UACA: variants seen among roughly 807,000 people sequenced by gnomAD.
The protein encoded by UACA is nuclear membrane binding protein.
Under a neutral mutation model 160.5 loss-of-function variants are expected in UACA, and 112 were observed. The ratio of observed to expected loss-of-function variants is 0.70; its 90% CI spans 0.60 to 0.82. The LOEUF is 0.82. Ranked by LOEUF, UACA falls within the 40% of genes least tolerant of loss-of-function variation. The pLI is 0.00. For synonymous variants in UACA, 557 were observed against 568.4 expected (o/e 0.98, Z 0.29); for missense variants, 1,574 against 1,614.6 (o/e 0.97, Z 0.43).
chr15:70,726,839 G>A (rs532737762), intron 1 of UACA, among the ~76,000 whole-genome samples: 2 of 152,240 alleles, frequency 1.3e-5, no homozygotes, highest in East Asian at 3.9e-4. Context: ...AAATCTCACA[G>A]GAAATAATGG....
chr15:70,668,421 T>C lies in UACA; in HGVS notation c.2263A>G (p.Lys755Glu). Residue 755 changes from lysine (K) to glutamate (E), a missense_variant, in exon 16 of 19, where the codon AAG becomes GAG. Coordinates refer to ENST00000322954, the MANE Select transcript of UACA (RefSeq NM_018003.4). ...VPLKVSEDMK[K>E]SHDAIIDDLN... Reference sequence around the variant, plus strand: ...TCATCAATAATTGCATCATGTGACTTTTTCATGTCTTCACTTACTTTTAAA... The same window carrying C: ...TCATCAATAATTGCATCATGTGACTCTTTCATGTCTTCACTTACTTTTAAA... The C allele has an allele frequency of 6.2e-7, 1 of 1,611,912 alleles. No homozygotes were observed. Among genetic ancestry groups the C allele is most frequent in the Non-Finnish European group, 8.5e-7 (1 of 1,179,718 alleles).
At chr15:70,740,134 ATGT>A (rs1313373174) in intron 1 of UACA, among the ~76,000 whole-genome samples, 1 of 150,852 alleles carries the variant, frequency 6.6e-6, no homozygotes, top group East Asian at 1.9e-4. Flanking sequence ...CACAATACTT[ATGT>A]TGTTATGAAA....
chr15:70,670,943 A>G (rs1330420205), intron 15 of UACA, 96 bp downstream of exon 15: 2 of 645,842 alleles, frequency 3.1e-6, no homozygotes, highest in Non-Finnish European at 5.0e-6. Context: ...CTATGTATAT[A>G]TACTTAATGT....
At chr15:70,706,000 T>C (rs1283978826) in intron 1 of UACA, among the ~76,000 whole-genome samples, 1 of 152,176 alleles carries the variant, frequency 6.6e-6, no homozygotes, top group Admixed American at 6.5e-5. Context: ...ATAAGATGCC[T>C]GGTATTTGCT....
At chr15:70,712,838 T>C (rs1178658203) in intron 1 of UACA, among the ~76,000 whole-genome samples, 1 of 152,242 alleles carries the variant, frequency 6.6e-6, no homozygotes, top group Non-Finnish European at 1.5e-5. Flanking sequence ...ATCTTCAATG[T>C]AAAAGTATCT....
rs757191526 is a variant in UACA, at chr15:70,666,763, T to C, written c.3921A>G (p.Ile1307Met). The stretch of plus-strand genomic sequence containing the variant: ...CTTCTATTTGTTTAGCAGATTCTTG[T>C]ATTCTTCTTTGTAACTCTGTGATTG... ...LTTITELQRR[I>M]QESAKQIEAK... Residue 1307 changes from isoleucine to methionine, a missense_variant, in exon 16 of 19, where the codon ATA (isoleucine) becomes ATG (methionine). Transcript: ENST00000322954. 4.3e-6 allele frequency: 7 copies of C among 1,609,420 alleles called. No individual in the cohort carries two copies. Among genetic ancestry groups the C allele is most frequent in the East Asian group, 2.2e-5 (1 of 44,870 alleles).
chr15:70,695,091 G>A lies in UACA; in HGVS notation c.227C>T (p.Thr76Ile). The part of the protein sequence containing the change: ...VEGRSVFHVV[T>I]SKGNLECLNA... ...CAAACACTCAAGATTCCCCTTTGAG[G>A]TCACAACATGGAAGCTAAACAAAAA... Residue 76 changes from threonine (T) to isoleucine (I), a missense_variant, in exon 3 of 19, where the codon ACC becomes ATC. Physicochemically the swap from Thr to Ile is moderately conservative, Grantham distance 89 (BLOSUM62 -1). Transcript: ENST00000322954. 1 of 1,605,812 alleles carries A rather than the reference G, an allele frequency of 6.2e-7. No individual in the cohort carries two copies. Among genetic ancestry groups the A allele is most frequent in the Non-Finnish European group, 8.5e-7 (1 of 1,176,002 alleles).
chr15:70,664,118 AAGTGGC>A (rs1896820082), intron 17 of UACA, among the ~76,000 whole-genome samples: 1 of 152,214 alleles, frequency 6.6e-6, no homozygotes, highest in Non-Finnish European at 1.5e-5. Flanking sequence ...ACTTCCTTGT[AAGTGGC>A]AGGACTTAGA....
At chr15:70,701,827 G>C in intron 1 of UACA, 1 of 1,535,100 alleles carries the variant, frequency 6.5e-7, no homozygotes, top group Non-Finnish European at 8.9e-7. Flanking sequence ...ACACAGTTCA[G>C]AAAGTCTAAC....
At chr15:70,767,266 AAAACAAAAAC>A (rs1567007259), upstream of UACA, among the ~76,000 whole-genome samples, 28 of 141,570 alleles carry the variant, frequency 2.0e-4, 1 homozygote, top group African/African-American at 4.6e-4. Flanking sequence ...ACAAAAAACA[AAAACAAAAAC>A]AACAACAATA....
chr15:70,689,142 G>C (rs778675934), intron 5 of UACA, among the ~76,000 whole-genome samples: 1 of 152,098 alleles, frequency 6.6e-6, no homozygotes, highest in Non-Finnish European at 1.5e-5. Context: ...CTAGAATACG[G>C]CTACGACCAC....
chr15:70,664,862 C>A lies in UACA; in HGVS notation c.3961-48G>T, dbSNP rs771726985. ...AAATATATTATTCACTTATCATGTA[C>A]AATGAACATCTTTGTACAGAAATCA... On this transcript the variant is annotated intron_variant, in intron 16 of 18. Transcript: ENST00000322954. 1.3e-5 allele frequency: 19 copies of A among 1,514,932 alleles called. 1 individual carries two copies. The South Asian group carries it at 2.2e-4, about 18-fold the overall frequency. 93.8% of individuals were successfully genotyped at this position (1,514,932 alleles called of 1,614,324 possible). A position where few individuals can be genotyped will look rare whatever the true frequency, so the allele number is the denominator to read the frequency against.
chr15:70,763,459 G>A lies in UACA; in HGVS notation c.-52C>T. 5 of 1,277,254 alleles carry A rather than the reference G, an allele frequency of 3.9e-6. No individual in the cohort carries two copies. The highest frequency in any genetic ancestry group is 2.3e-4 in the Middle Eastern group (1 of 4,378). The allele number at this position is 1,277,254 out of a possible 1,614,324, so 79.1% of individuals were successfully genotyped here. ...GAACCTTAAAGGCTGCGGAGTGCCA[G>A]CGCGCAAGGAGTAGACGGCAGCGGC... On this transcript the variant is annotated 5_prime_UTR_variant, in exon 1 of 19. Coordinates refer to ENST00000322954, the MANE Select transcript of UACA (RefSeq NM_018003.4).
chr15:70,693,049 T>C (rs989248055), intron 3 of UACA, among the ~76,000 whole-genome samples: 1 of 152,226 alleles, frequency 6.6e-6, no homozygotes, highest in Admixed American at 6.5e-5. Context: ...AATTTGCTCC[T>C]GTTCATGGAC....
In UACA at chr15:70,741,773, A is replaced by G. The variant is rs111626987; in HGVS notation, c.78+21557T>C. ...GACTACAGAATAGGGTTTCATCCTC[A>G]CAATGCAAAAGTATTCCTTCACTAC... On this transcript the variant is annotated intron_variant, in intron 1 of 18. Transcript: ENST00000322954. 1.2e-3 allele frequency among the ~76,000 whole-genome samples: 178 copies of G among 152,316 alleles called. 1 individual carries two copies. The highest frequency in any genetic ancestry group is 4.1e-3 in the African/African-American group (170 of 41,568).
At chr15:70,707,541 T>G (rs185755793) in intron 1 of UACA, among the ~76,000 whole-genome samples, 1 of 152,152 alleles carries the variant, frequency 6.6e-6, no homozygotes, top group African/African-American at 2.4e-5. Context: ...GGCTAATACA[T>G]AAATTACATT....
intron 16 of UACA, 29 bp from the exon 17 acceptor site, chr15:70,664,843 A>G: frequency 1.9e-6 from 3 of 1,586,380 alleles, no homozygotes; most frequent in Non-Finnish European, 2.6e-6. Context: ...GGAGAAATAT[A>G]TTATTCACTT....
chr15:70,710,514 C>T (rs187332319), intron 1 of UACA, among the ~76,000 whole-genome samples: 15 of 152,238 alleles, frequency 9.9e-5, no homozygotes, highest in Admixed American at 4.6e-4. Context: ...AGTGTCAGAT[C>T]GCACAGACCT....
At position 70,684,517 on chromosome 15, in the gene UACA, A is replaced by G. The variant is rs1270052753; in HGVS notation, c.603-71T>C. ...AAATATTGCAGAAATATTCTGCCCT[A>G]TTGTTGAACACTGTCTTAGTGTTCA... On this transcript the variant is annotated intron_variant, in intron 7 of 18. Coordinates refer to ENST00000322954, the MANE Select transcript of UACA (RefSeq NM_018003.4). 1.9e-5 allele frequency: 28 copies of G among 1,470,772 alleles called. No individual in the cohort carries two copies. In the Admixed American group the frequency reaches 5.2e-4, roughly 27 times the overall value. 91.1% of individuals were successfully genotyped at this position (1,470,772 alleles called of 1,614,324 possible).
Sources: gnomAD v4.1 joint callset for allele counts (sites outside exome capture counted in the v4.1 genomes callset) on GRCh38, gnomAD v4.1.1 for gene constraint, MANE v1.5 for transcripts, NCBI Gene and HGNC (gene_info 2026-07-23, HGNC 2026-07-21) for gene names.